The following ARHGAP23 variants were observed in gnomAD, a reference collection of about 807,000 sequenced individuals.
ARHGAP23 encodes the protein Rho GTPase activating protein 23.
ARHGAP23 carries 34 observed loss-of-function variants against 136.3 expected under a neutral mutation model. The ratio of observed to expected loss-of-function variants is 0.25; its 90% CI spans 0.19 to 0.33. ARHGAP23 has a LOEUF of 0.33. ARHGAP23 is among the 10% of genes least tolerant of loss of function. ARHGAP23 has a pLI of 1.00. For missense variants in ARHGAP23, 1,808 were observed against 2,139.0 expected, an observed-to-expected ratio of 0.85 and a Z score of 3.05; for synonymous variants, 832 against 920.5, an observed-to-expected ratio of 0.90 and a Z score of 1.74.
At chr17:38,429,159 G>C (rs1367074267) in intron 1 of ARHGAP23, among the ~76,000 whole-genome samples, 1 of 152,256 alleles carries the variant, frequency 6.6e-6, no homozygotes, top group African/African-American at 2.4e-5. Context: ...CTGCCGGCGA[G>C]GCTGCCCTCC....
In ARHGAP23 at chr17:38,477,682, C is replaced by T. The variant is rs1382276585; in HGVS notation, c.2222C>T (p.Ala741Val). The T allele has an allele frequency of 1.2e-4, 159 of 1,327,370 alleles. 2 individuals are homozygous for T. The highest frequency in any genetic ancestry group is 1.0e-4 in the Non-Finnish European group (108 of 1,036,746). 82.2% of individuals were successfully genotyped at this position (1,327,370 alleles called of 1,614,324 possible). A position where few individuals can be genotyped will look rare whatever the true frequency, so the allele number is the denominator to read the frequency against. Residue 741 changes from alanine (A) to valine (V), a missense_variant, in exon 12 of 24, where the codon GCG (alanine) becomes GTG (valine). Coordinates refer to ENST00000622683, the MANE Select transcript of ARHGAP23 (RefSeq NM_001199417.2). The surrounding 1 kb of genome is among the most constrained non-coding windows in gnomAD (Gnocchi z 6.6). ...CGGCGGGAGCCCGGGCCGGCGGCGG[C>T]GGGGGCTGCGGCGGCCGGCGCAGGT... is the stretch of plus-strand genomic sequence containing the variant. ...KERREPGPAA[A>V]GAAAAGAGED... is the part of the protein sequence containing the mutation.
rs1331681828 is a variant in ARHGAP23 at position 38,477,778 on chromosome 17, G to A, written c.2318G>A (p.Arg773Lys). Residue 773 changes from arginine to lysine, a missense_variant, in exon 12 of 24, where the codon AGG becomes AAG. By Grantham distance (26) the Arg-to-Lys change is conservative. Around this residue, in one of 7 missense-constraint regions of ARHGAP23, gnomAD observed 139 missense variants for 264.3 expected, o/e 0.53. Transcript: ENST00000622683. This position sits in a 1 kb window ranked among gnomAD's most constrained non-coding sequence, Gnocchi z 6.6. ...VDISYSETKRRHVFRLTTADF... is the reference protein window; with the variant it reads ...VDISYSETKRKHVFRLTTADF... ...ATCTCCTACAGCGAGACCAAGAGGA[G>A]GCACGTGTTCCGGCTGACCACCGCT... is the stretch of plus-strand genomic sequence containing the variant. 6.5e-7 allele frequency: 1 copy of A among 1,549,872 alleles called. No homozygotes were observed. The highest frequency in any genetic ancestry group is 2.4e-5 in the East Asian group (1 of 40,898).
chr17:38,441,690 C>G (rs977810803), intron 1 of ARHGAP23, among the ~76,000 whole-genome samples: 1 of 152,092 alleles, frequency 6.6e-6, no homozygotes, highest in Non-Finnish European at 1.5e-5. Context: ...GTTAAACAAG[C>G]GTTTCAGAAA....
intron 20 of ARHGAP23, among the ~76,000 whole-genome samples, chr17:38,492,251 T>G (rs1295023344): frequency 6.6e-6 from 1 of 152,216 alleles, no homozygotes; most frequent in Non-Finnish European, 1.5e-5. Context: ...CCTTCTGGTG[T>G]GCACACGGAT....
chr17:38,509,869 G>A, intron 23 of ARHGAP23, 75 bp from the exon 24 acceptor site: 1 of 1,141,966 alleles, frequency 8.8e-7, no homozygotes, highest in East Asian at 3.2e-5. Context: ...TGACGTGGGG[G>A]TGGACCGGGT....
In ARHGAP23 at chr17:38,510,324, C is replaced by A. The variant is rs1252136981; in HGVS notation, c.3828C>A (p.Asp1276Glu). 4.0e-6 allele frequency: 5 copies of A among 1,261,426 alleles called. No individual in the cohort carries two copies. Among genetic ancestry groups the A allele is most frequent in the Non-Finnish European group, 5.0e-6 (5 of 1,004,592 alleles). 78.1% of individuals were successfully genotyped at this position (1,261,426 alleles called of 1,614,324 possible). The change falls in exon 24 of 24, where the codon GAC becomes GAA. Residue 1276 changes from aspartate (D) to glutamate (E), a missense_variant. Transcript: ENST00000622683. This position sits in a 1 kb window ranked among gnomAD's most constrained non-coding sequence, Gnocchi z 4.6. ...GRRAGAGDEA[D>E]DERSELSHVE... ...GGGCAGGGGCGGGGGATGAGGCGGACGACGAGCGTAGCGAGCTGAGCCACG... is the reference window on the plus strand; with the variant it reads ...GGGCAGGGGCGGGGGATGAGGCGGAAGACGAGCGTAGCGAGCTGAGCCACG...
intron 6 of ARHGAP23, among the ~76,000 whole-genome samples, chr17:38,463,591 A>G (rs2039512327): frequency 1.3e-5 from 2 of 152,106 alleles, no homozygotes; most frequent in South Asian, 2.1e-4. Flanking sequence ...CTTGGCAGGC[A>G]GGATTCCTGC....
chr17:38,466,515 C>G lies in ARHGAP23; in HGVS notation c.832C>G (p.Pro278Ala). Residue 278 changes from proline (P) to alanine (A), a missense_variant, in exon 7 of 24, where the codon CCC becomes GCC. Around this residue, in one of 7 missense-constraint regions of ARHGAP23, gnomAD observed 859 missense variants for 936.4 expected, o/e 0.92. Transcript: ENST00000622683. ...CTTCCCAGAGCCTGGCAGCCGGGTG[C>G]CCCCCAGCAGACTGGAGTGCCAGCA... ...RAFPEPGSRVPPSRLECQQAL... is the reference protein window; with the variant it reads ...RAFPEPGSRVAPSRLECQQAL... 6.7e-7 allele frequency: 1 copy of G among 1,481,726 alleles called. No individual in the cohort carries two copies. The highest frequency in any genetic ancestry group is 1.3e-5 in the South Asian group (1 of 75,110). 91.8% of individuals were successfully genotyped at this position (1,481,726 alleles called of 1,614,324 possible).
rs1344153106 is a variant in ARHGAP23, at chr17:38,477,931, C to T, written c.2436+35C>T. 52 of 1,545,700 alleles carry T rather than the reference C, an allele frequency of 3.4e-5. No homozygotes were observed. Among genetic ancestry groups the T allele is most frequent in the Non-Finnish European group, 4.2e-5 (48 of 1,145,030 alleles). On this transcript the variant is annotated intron_variant, in intron 12 of 23. Transcript: ENST00000622683. The surrounding 1 kb of genome is among the most constrained non-coding windows in gnomAD (Gnocchi z 6.6). ...CGGCCAGCCCGGCAGCCACAGAGGG[C>T]GGGCGGGGTGGCCTCTCACCGGCTG...
chr17:38,472,458 T>C (rs1225008613), intron 11 of ARHGAP23, among the ~76,000 whole-genome samples: 1 of 151,994 alleles, frequency 6.6e-6, no homozygotes, highest in African/African-American at 2.4e-5. Context: ...AGTTACAGCT[T>C]TAAAATATTC....
chr17:38,442,134 A>AT (rs1011748682), intron 1 of ARHGAP23, among the ~76,000 whole-genome samples: 1 of 152,040 alleles, frequency 6.6e-6, no homozygotes, highest in Non-Finnish European at 1.5e-5. Context: ...TTTTACTATT[A>AT]TTTTTGTGGA....
At chr17:38,509,606 A>G (rs1018464248) in intron 23 of ARHGAP23, among the ~76,000 whole-genome samples, 1 of 152,138 alleles carries the variant, frequency 6.6e-6, no homozygotes, top group African/African-American at 2.4e-5. Context: ...CAGGCTGCCA[A>G]GCGTTATTCA....
At chr17:38,483,512 T>A (rs1176662950) in intron 16 of ARHGAP23, among the ~76,000 whole-genome samples, 1 of 152,280 alleles carries the variant, frequency 6.6e-6, no homozygotes, top group Non-Finnish European at 1.5e-5. Context: ...TGCTTTGCCC[T>A]GTCTGTTGTA....
intron 1 of ARHGAP23, among the ~76,000 whole-genome samples, chr17:38,436,558 C>T (rs950880433): frequency 9.2e-5 from 14 of 152,240 alleles, no homozygotes; most frequent in African/African-American, 3.4e-4. Context: ...ACTGGTTGCT[C>T]GTGCTCTGCG....
In ARHGAP23 at chr17:38,511,838, G is replaced by C. The variant is rs1262296152; in HGVS notation, c.*866G>C. ...GTTCCTTCCACAGCCCAGGCACACA[G>C]AAGCCCACCTTCTTCCCCTTAGGAG... On this transcript the variant is annotated 3_prime_UTR_variant, in exon 24 of 24. Coordinates refer to ENST00000622683, the MANE Select transcript of ARHGAP23 (RefSeq NM_001199417.2). The C allele has an allele frequency of 6.6e-6, 1 of 152,076 alleles. No homozygotes were observed. The highest frequency in any genetic ancestry group is 1.5e-5 in the Non-Finnish European group (1 of 68,094). 9.4% of individuals were successfully genotyped at this position (152,076 alleles called of 1,614,324 possible).
At chr17:38,446,489 T>C (rs1039245657) in intron 1 of ARHGAP23, among the ~76,000 whole-genome samples, 1 of 152,196 alleles carries the variant, frequency 6.6e-6, no homozygotes, top group African/African-American at 2.4e-5. Flanking sequence ...TTCTTGGCTG[T>C]TGTGAATAAC....
At position 38,467,219 on chromosome 17, in the gene ARHGAP23, A is replaced by C; in HGVS notation, c.1536A>C (p.Gly512=). 6.4e-7 allele frequency: 1 copy of C among 1,550,954 alleles called. No homozygotes were observed. ...QLTPARQMNL[G]FGDESPEPEA... is the part of the protein sequence containing the mutation. The stretch of plus-strand genomic sequence containing the variant: ...CCCCCGCAAGACAGATGAACCTTGG[A>C]TTTGGTGACGAGTCCCCAGAGCCAG... Residue 512 remains glycine (G), a synonymous_variant, in exon 7 of 24, where the codon GGA becomes GGC. Coordinates refer to ENST00000622683, the MANE Select transcript of ARHGAP23 (RefSeq NM_001199417.2).
intron 22 of ARHGAP23, chr17:38,499,098 C>G (rs1313356651): frequency 1.6e-6 from 1 of 641,604 alleles, no homozygotes; most frequent in Non-Finnish European, 2.8e-6. Context: ...TATCCACTTA[C>G]CCCAGCAGTC....
At chr17:38,495,870 G>A (rs2040380703) in intron 20 of ARHGAP23, among the ~76,000 whole-genome samples, 1 of 151,524 alleles carries the variant, frequency 6.6e-6, no homozygotes, top group South Asian at 2.1e-4. Flanking sequence ...GGTGTTGAGG[G>A]GGGTAAAGGG....
Sources: gnomAD v4.1 joint callset for allele counts (sites outside exome capture counted in the v4.1 genomes callset) on GRCh38, gnomAD v4.1.1 for gene constraint, gnomAD v4.1.1 regional missense constraint, Gnocchi (gnomAD v3.1) non-coding constraint, MANE v1.5 for transcripts, NCBI Gene and HGNC (gene_info 2026-07-23, HGNC 2026-07-21) for gene names.